FIG4: variants seen among roughly 807,000 people sequenced by gnomAD.
The protein encoded by FIG4 is FIG4 phosphoinositide 5-phosphatase.
FIG4 carries 112 observed loss-of-function variants against 118.6 expected under a neutral mutation model. The ratio of observed to expected loss-of-function variants is 0.94; its 90% CI spans 0.81 to 1.11. The LOEUF (loss-of-function observed/expected upper bound fraction) is 1.11. FIG4 is among the 50% of genes least tolerant of loss of function. FIG4 has a pLI of 0.00. For missense variants in FIG4, 969 were observed against 1,111.7 expected, an observed-to-expected ratio of 0.87 and a Z score of 1.83; for synonymous variants, 369 against 381.2, an observed-to-expected ratio of 0.97 and a Z score of 0.37.
intron 7 of FIG4, among the ~76,000 whole-genome samples, chr6:109,740,028 G>C (rs2128386403): frequency 6.6e-6 from 1 of 152,274 alleles, no homozygotes; most frequent in Non-Finnish European, 1.5e-5. Flanking sequence ...CTTTCAACCA[G>C]TGAGTGGTAT....
chr6:109,801,413 T>C (rs1778423430), intron 22 of FIG4, among the ~76,000 whole-genome samples: 1 of 152,018 alleles, frequency 6.6e-6, no homozygotes, highest in African/African-American at 2.4e-5. Flanking sequence ...CCGGGCAAGG[T>C]GGCAGGCGCC....
At chr6:109,732,573 A>G (rs531729825) in intron 4 of FIG4, 64 bp from the exon 5 acceptor site, 10 of 846,228 alleles carry the variant, frequency 1.2e-5, no homozygotes, top group African/African-American at 1.2e-4. Context: ...ATATGGGTAC[A>G]TGTTAAACTG....
intron 11 of FIG4, among the ~76,000 whole-genome samples, chr6:109,761,670 A>C (rs1256379919): frequency 2.6e-5 from 4 of 152,226 alleles, no homozygotes; most frequent in Non-Finnish European, 5.9e-5. Flanking sequence ...TACAGGCGTG[A>C]GCCACTGCAC....
At chr6:109,702,585 G>C (rs975165515) in intron 1 of FIG4, among the ~76,000 whole-genome samples, 9 of 152,162 alleles carry the variant, frequency 5.9e-5, no homozygotes, top group Non-Finnish European at 1.2e-4. Context: ...CTACTTGCAT[G>C]TATATATGCC....
At position 109,691,518 on chromosome 6, in the gene FIG4, G is replaced by C; in HGVS notation, c.66+17G>C. ...ACTAGAGCTGTGAGTACCCCCTCGC[G>C]GCGGGGCGCAGGCGGGAGGATGGAT... On this transcript the variant is annotated intron_variant, in intron 1 of 22. Coordinates refer to ENST00000230124, the MANE Select transcript of FIG4 (RefSeq NM_014845.6). 1 of 1,565,236 alleles carries C rather than the reference G, an allele frequency of 6.4e-7. No homozygotes were observed. The highest frequency in any genetic ancestry group is 8.7e-7 in the Non-Finnish European group (1 of 1,154,074).
chr6:109,793,531 C>G lies in FIG4; in HGVS notation c.2459+867C>G, dbSNP rs192177992. On this transcript the variant is annotated intron_variant, in intron 21 of 22. Transcript: ENST00000230124. The stretch of plus-strand genomic sequence containing the variant: ...AGAATCCTTCACTCAGAAATCCCCA[C>G]GAACCTGATGAGAACATTGCAAACA... Among the ~76,000 whole-genome samples the G allele has an allele frequency of 6.6e-5, 10 of 152,276 alleles. 1 individual carries two copies. Among genetic ancestry groups the G allele is most frequent in the African/African-American group, 1.9e-4 (8 of 41,548 alleles).
At chr6:109,747,353 TC>T (rs1172015821) in intron 10 of FIG4, among the ~76,000 whole-genome samples, 1 of 151,930 alleles carries the variant, frequency 6.6e-6, no homozygotes, top group Non-Finnish European at 1.5e-5. Context: ...TGGCTGAATC[TC>T]CAAAGGAGTC....
intron 14 of FIG4, among the ~76,000 whole-genome samples, chr6:109,766,486 C>T (rs1777283202): frequency 6.6e-6 from 1 of 152,190 alleles, no homozygotes; most frequent in Admixed American, 6.5e-5. Context: ...CCTGGTCTGG[C>T]TTTGGTGGGC....
chr6:109,822,394 AAC>A (rs950097421), intron 22 of FIG4, among the ~76,000 whole-genome samples: 2 of 152,174 alleles, frequency 1.3e-5, no homozygotes, highest in African/African-American at 4.8e-5. Context: ...GTAAATCTGA[AAC>A]ACAGTAGTTT....
In FIG4 at chr6:109,760,299, C is replaced by T. The variant is rs758599286; in HGVS notation, c.1187C>T (p.Ala396Val). ...HERILSEELV[A>V]AVTYLNQFLP... ...AGAATTCTGAGTGAAGAACTTGTTGCTGCTGTGACCTATCTCAACCAATTT... is the reference window on the plus strand; with the variant it reads ...AGAATTCTGAGTGAAGAACTTGTTGTTGCTGTGACCTATCTCAACCAATTT... Residue 396 changes from alanine to valine, a missense_variant, in exon 11 of 23, where the codon GCT becomes GTT. Physicochemically the swap from Ala to Val is moderately conservative, Grantham distance 64 (BLOSUM62 0). Coordinates refer to ENST00000230124, the MANE Select transcript of FIG4 (RefSeq NM_014845.6). 21 of 1,613,090 alleles carry T rather than the reference C, an allele frequency of 1.3e-5. No individual in the cohort carries two copies. Among genetic ancestry groups the T allele is most frequent in the South Asian group, 3.3e-5 (3 of 91,074 alleles).
intron 15 of FIG4, among the ~76,000 whole-genome samples, chr6:109,767,889 G>A (rs779218012): frequency 6.6e-6 from 1 of 152,064 alleles, no homozygotes; most frequent in Non-Finnish European, 1.5e-5. Context: ...AAAAAAAAAG[G>A]TCCTTAGGAG....
At chr6:109,703,059 T>C (rs913275641) in intron 1 of FIG4, among the ~76,000 whole-genome samples, 1 of 152,076 alleles carries the variant, frequency 6.6e-6, no homozygotes, top group Non-Finnish European at 1.5e-5. Context: ...GGTAGAGTAC[T>C]TCCTTTAATT....
chr6:109,723,875 T>C (rs1164400004), intron 3 of FIG4, among the ~76,000 whole-genome samples: 1 of 152,210 alleles, frequency 6.6e-6, no homozygotes, highest in Non-Finnish European at 1.5e-5. Flanking sequence ...GGAGTAGATG[T>C]TCAGAGACAT....
intron 3 of FIG4, among the ~76,000 whole-genome samples, chr6:109,725,185 T>A (rs1359119060): frequency 3.3e-5 from 5 of 152,136 alleles, no homozygotes; most frequent in Non-Finnish European, 7.4e-5. Flanking sequence ...TTGCTGTACC[T>A]ATCAACCCAC....
At chr6:109,810,090 C>T (rs1266794791) in intron 22 of FIG4, among the ~76,000 whole-genome samples, 2 of 152,078 alleles carry the variant, frequency 1.3e-5, no homozygotes. Flanking sequence ...AGAACCTGCT[C>T]AGCAAATTTC....
chr6:109,772,497 C>T (rs575608565), intron 15 of FIG4, among the ~76,000 whole-genome samples: 1 of 152,198 alleles, frequency 6.6e-6, no homozygotes, highest in East Asian at 1.9e-4. Flanking sequence ...GCTCTCGTTG[C>T]CCAGACTGGA....
chr6:109,816,255 T>G, intron 22 of FIG4, among the ~76,000 whole-genome samples: 1 of 152,210 alleles, frequency 6.6e-6, no homozygotes, highest in East Asian at 1.9e-4. Flanking sequence ...ACTTAGGTCT[T>G]GTTTTGGAGG....
chr6:109,691,374 C>T lies in FIG4; in HGVS notation c.-62C>T, dbSNP rs1774373443. On this transcript the variant is annotated 5_prime_UTR_variant, in exon 1 of 23. Coordinates refer to ENST00000230124, the MANE Select transcript of FIG4 (RefSeq NM_014845.6). ...TCCAGGGCCTGAGGGGTTTTCTCGC[C>T]GAGTCTCCTGGGGCGGTCCGGAGGC... 26 of 1,407,292 alleles carry T rather than the reference C, an allele frequency of 1.8e-5. No individual in the cohort carries two copies. The South Asian group carries it at 3.0e-4, about 16-fold the overall frequency. 87.2% of individuals were successfully genotyped at this position (1,407,292 alleles called of 1,614,324 possible).
At position 109,720,770 on chromosome 6, in the gene FIG4, A is replaced by G. The variant is rs942752214; in HGVS notation, c.289+4202A>G. ...AGCTCATGGACCAGCACTGGTCCCT[A>G]GGCCATGTTTTGAATATTACTGACC... On this transcript the variant is annotated intron_variant, in intron 3 of 22. Coordinates refer to ENST00000230124, the MANE Select transcript of FIG4 (RefSeq NM_014845.6). Among the ~76,000 whole-genome samples the G allele has an allele frequency of 3.0e-4, 45 of 152,192 alleles. 1 individual carries two copies. The highest frequency in any genetic ancestry group is 2.7e-3 in the Admixed American group (41 of 15,278).
Sources: allele counts gnomAD v4.1 joint callset (sites outside exome capture counted in the v4.1 genomes callset), GRCh38; gene constraint gnomAD v4.1.1; transcripts MANE v1.5; gene names NCBI Gene and HGNC (gene_info 2026-07-23, HGNC 2026-07-21).